The following HSPG2 variants were observed in gnomAD, a reference collection of about 807,000 sequenced individuals.
HSPG2 encodes the protein basement membrane-specific heparan sulfate proteoglycan core protein.
In HSPG2, 278 loss-of-function variants were observed where a neutral mutation model predicts 526.6. That is an observed-to-expected ratio of 0.53 (90% CI 0.48 to 0.58). The LOEUF is 0.58. Among genes scored for constraint, HSPG2 ranks in the 20% least tolerant of loss-of-function variants. The pLI is 0.00. For synonymous variants in HSPG2, 2,465 were observed against 2,555.4 expected (o/e 0.96, Z 1.07); for missense variants, 5,354 against 6,099.5 (o/e 0.88, Z 4.07).
chr1:21,849,150 C>A, intron 57 of HSPG2, 119 bp from the exon 58 acceptor site: 1 of 1,250,394 alleles, frequency 8.0e-7, no homozygotes, highest in East Asian at 2.4e-5. Flanking sequence ...GATGGAAACT[C>A]TTCCAGGGAA....
At chr1:21,856,815 C>T (rs186317058) in intron 44 of HSPG2, among the ~76,000 whole-genome samples, 200 bp downstream of exon 44, 89 of 152,330 alleles carry the variant, frequency 5.8e-4, no homozygotes, top group African/African-American at 2.0e-3. Context: ...TGCTTATGGT[C>T]TCCCTGCCTA....
At chr1:21,844,391 T>TGGCTTCTTTCCC in intron 64 of HSPG2, 92 bp from the exon 65 acceptor site, 1 of 1,382,016 alleles carries the variant, frequency 7.2e-7, no homozygotes, top group Admixed American at 2.1e-5. Context: ...CCAGAGGCCA[T>TGGCTTCTTTCCC]TTGGGACATG....
Position 21,846,593 on chromosome 1 carries a change from C to G in HSPG2, c.8171G>C (p.Gly2724Ala), listed in dbSNP as rs1478306067. 1 of 1,613,570 alleles carries G rather than the reference C, an allele frequency of 6.2e-7. No homozygotes were observed. Among genetic ancestry groups the G allele is most frequent in the Non-Finnish European group, 8.5e-7 (1 of 1,180,042 alleles). Residue 2724 changes from glycine (G) to alanine (A), a missense_variant, in exon 63 of 97, where the codon GGC becomes GCC. Coordinates refer to ENST00000374695, the MANE Select transcript of HSPG2 (RefSeq NM_005529.7). ...CTCAATTCTGATGGGCATGGAGCTG[C>G]CAGGGGCTGGGGGAACAGAGATCAG... ...SPSAGSPSAP[G>A]SSMPIRIESS...
intron 1 of HSPG2, among the ~76,000 whole-genome samples, chr1:21,928,155 T>G (rs13374960): frequency 0.027 from 4,065 of 152,358 alleles, 86 homozygotes; most frequent in African/African-American, 0.059. Context: ...CAGTCAGGGC[T>G]GGGCCAAGAC....
chr1:21,860,770 C>T (rs1358382494), intron 39 of HSPG2, among the ~76,000 whole-genome samples: 1 of 152,196 alleles, frequency 6.6e-6, no homozygotes, highest in Non-Finnish European at 1.5e-5. Flanking sequence ...TAGGCATGAG[C>T]CACCACGCCT....
At position 21,839,944 on chromosome 1, in the gene HSPG2, T is replaced by A. The variant is rs1258613738; in HGVS notation, c.9587A>T (p.Lys3196Met). 6.2e-7 allele frequency: 1 copy of A among 1,614,162 alleles called. No individual in the cohort carries two copies. The highest frequency in any genetic ancestry group is 1.7e-5 in the Admixed American group (1 of 60,016). ...LAQNALGTAQKQVEVIVDTGA... is the reference protein window; with the variant it reads ...LAQNALGTAQMQVEVIVDTGA... ...CGTGTCCACGATCACCTCCACCTGC[T>A]TCTGTGCTGTGCCTAGTGCATTCTG... The change falls in exon 72 of 97, where the codon AAG becomes ATG. Residue 3196 changes from lysine to methionine, a missense_variant. Transcript: ENST00000374695. This position sits in a 1 kb window ranked among gnomAD's most constrained non-coding sequence, Gnocchi z 4.5.
rs2152698037 is a variant in HSPG2, at chr1:21,835,571, C to A, written c.10422G>T (p.Lys3474Asn). 6.2e-7 allele frequency: 1 copy of A among 1,614,144 alleles called. No homozygotes were observed. The highest frequency in any genetic ancestry group is 2.2e-5 in the East Asian group (1 of 44,888). ...YICQAHGPWG[K>N]AQASAQLVIQ... ...TAACCAGCTGGGCACTGGCCTGGGC[C>A]TTCCCCCAAGGTCCATGGGCCTGGC... Residue 3474 changes from lysine to asparagine, a missense_variant, in exon 76 of 97, where the codon AAG becomes AAT. By Grantham distance (94) the Lys-to-Asn change is moderately conservative. Transcript: ENST00000374695.
chr1:21,842,523 G>C, intron 67 of HSPG2, 143 bp from the exon 68 acceptor site: 1 of 1,074,408 alleles, frequency 9.3e-7, no homozygotes, highest in Non-Finnish European at 1.3e-6. Context: ...TTCATTCACA[G>C]AATCCTAGAG....
intron 1 of HSPG2, among the ~76,000 whole-genome samples, chr1:21,920,357 C>A (rs535507468): frequency 2.6e-5 from 4 of 152,228 alleles, no homozygotes; most frequent in Non-Finnish European, 5.9e-5. Flanking sequence ...TAAACCCCAC[C>A]CGCCTCGAGT....
chr1:21,833,434 G>A, intron 79 of HSPG2, 33 bp downstream of exon 79: 1 of 1,614,202 alleles, frequency 6.2e-7, no homozygotes, highest in South Asian at 1.1e-5. Context: ...GGAGTGGGCA[G>A]GGCACTGCCA....
rs376414322 is a variant in HSPG2 at position 21,842,274 on chromosome 1, G to A, written c.9017C>T (p.Thr3006Ile). 3.7e-6 allele frequency: 6 copies of A among 1,613,586 alleles called. No homozygotes were observed. In the African/African-American group the frequency reaches 8.0e-5, roughly 21 times the overall value. Reference protein sequence around the residue: ...GPGPEQEASFTVTVPPSEGSS... With the variant: ...GPGPEQEASFIVTVPPSEGSS... ...CCCCTCACTGGGCGGGACGGTGACT[G>A]TGAAGGAGGCTTCTTGCTCAGGGCC... is the stretch of plus-strand genomic sequence containing the variant. The change falls in exon 68 of 97, where the codon ACA (threonine) becomes ATA (isoleucine). Residue 3006 changes from threonine (T) to isoleucine (I), a missense_variant. Thr to Ile is a moderately conservative substitution (Grantham distance 89). Coordinates refer to ENST00000374695, the MANE Select transcript of HSPG2 (RefSeq NM_005529.7).
At chr1:21,875,175 G>T in intron 25 of HSPG2, 173 bp from the exon 26 acceptor site, 1 of 655,850 alleles carries the variant, frequency 1.5e-6, no homozygotes, top group South Asian at 1.7e-5. Context: ...GCTGTTACCT[G>T]CAACTTACTC....
chr1:21,845,978 G>T, intron 64 of HSPG2, 130 bp downstream of exon 64: 3 of 1,161,250 alleles, frequency 2.6e-6, no homozygotes, highest in Non-Finnish European at 3.8e-6. Flanking sequence ...GTGGCGGGAG[G>T]TGAAGTCTGG....
chr1:21,895,694 G>C lies in HSPG2; in HGVS notation c.244+228C>G, dbSNP rs1642697957. Among the ~76,000 whole-genome samples the C allele has an allele frequency of 6.6e-6, 1 of 152,198 alleles. No homozygotes were observed. The highest frequency in any genetic ancestry group is 6.5e-5 in the Admixed American group (1 of 15,282). On this transcript the variant is annotated intron_variant, in intron 3 of 96. Transcript: ENST00000374695. The surrounding 1 kb of genome is among the most constrained non-coding windows in gnomAD (Gnocchi z 4.1). ...CTGGGCTTTACCTGCCCAGTGCCCT[G>C]ATACCTGTGCCTGTGGCATGGGCAA...
intron 33 of HSPG2, among the ~76,000 whole-genome samples, chr1:21,871,144 C>T (rs913967689): frequency 6.6e-6 from 1 of 152,098 alleles, no homozygotes; most frequent in African/African-American, 2.4e-5. Context: ...CACCCCTGAG[C>T]CCCTGCCCCC....
chr1:21,838,721 TG>T, intron 74 of HSPG2, 103 bp downstream of exon 74: 2 of 1,222,176 alleles, frequency 1.6e-6, no homozygotes, highest in Non-Finnish European at 2.4e-6. Flanking sequence ...GCATTCCAGG[TG>T]GGGTTATGGA....
Position 21,842,797 on chromosome 1 carries a change from G to A in HSPG2, c.8883C>T (p.Arg2961=), listed in dbSNP as rs754291860. 41 of 1,613,476 alleles carry A rather than the reference G, an allele frequency of 2.5e-5. No individual in the cohort carries two copies. The highest frequency in any genetic ancestry group is 2.2e-4 in the Admixed American group (13 of 60,012). The change falls in exon 67 of 97, where the codon CGC becomes CGT. Residue 2961 remains arginine, a synonymous_variant. Coordinates refer to ENST00000374695, the MANE Select transcript of HSPG2 (RefSeq NM_005529.7). ...QAHAQVTWYK[R]GGSLPARHQT... ...GGTGCCGGGCGGGGAGGCTGCCCCC[G>A]CGCTTGTACCACGTGACCTGGGCAT... is the stretch of plus-strand genomic sequence containing the variant.
intron 39 of HSPG2, 77 bp downstream of exon 39, chr1:21,861,680 C>A: frequency 1.5e-6 from 2 of 1,332,720 alleles, no homozygotes; most frequent in Non-Finnish European, 1.1e-6. Context: ...CTTTTCTGAG[C>A]AACACCCTTT....
rs183420475 is a variant in HSPG2 at position 21,858,198 on chromosome 1, C to T, written c.5294-813G>A. On this transcript the variant is annotated intron_variant, in intron 42 of 96. Coordinates refer to ENST00000374695, the MANE Select transcript of HSPG2 (RefSeq NM_005529.7). The surrounding 1 kb of genome is among the most constrained non-coding windows in gnomAD (Gnocchi z 4.2). ...TCTATCCCTTCTCTCCACTGAAAAC[C>T]GCTCTTGTCAAAGCATGACCTCCAA... Among the ~76,000 whole-genome samples the T allele has an allele frequency of 3.8e-4, 58 of 152,302 alleles. No homozygotes were observed. Among genetic ancestry groups the T allele is most frequent in the African/African-American group, 1.2e-3 (48 of 41,554 alleles).
Sources: gnomAD v4.1 joint callset for allele counts (sites outside exome capture counted in the v4.1 genomes callset) on GRCh38, gnomAD v4.1.1 for gene constraint, Gnocchi (gnomAD v3.1) non-coding constraint, MANE v1.5 for transcripts, NCBI Gene and HGNC (gene_info 2026-07-23, HGNC 2026-07-21) for gene names.